Variants in BTNL2 observed in about 807,000 individuals in gnomAD.
BTNL2 encodes the protein butyrophilin-like protein 2.
BTNL2 carries 46 observed loss-of-function variants against 46.8 expected under a neutral mutation model. The observed-to-expected ratio is 0.98, with a 90% CI of 0.78 to 1.26. The LOEUF is 1.26. Ranked by LOEUF, BTNL2 falls within the 50% of genes most tolerant of loss-of-function variation. The probability of loss-of-function intolerance (pLI) is 0.00; values close to 1 mark genes in which losing one functional copy is unlikely to be tolerated. For synonymous variants in BTNL2, 226 were observed against 229.1 expected (o/e 0.99, Z 0.12); for missense variants, 461 against 592.6 (o/e 0.78, Z 2.31).
rs148433706 is a variant in BTNL2, at chr6:32,393,564, CCAA to C, written c.*7-178_*7-176del. On this transcript the variant is annotated intron_variant, in intron 7 of 7. Transcript: ENST00000454136. The surrounding 1 kb of genome is among the most constrained non-coding windows in gnomAD (Gnocchi z 4.8). ...GAAGTCACCAGCAACACAGAAATCACCAACAAGTAGGTCACCACATTTTTAAAG... is the reference window on the plus strand; with the variant it reads ...GAAGTCACCAGCAACACAGAAATCACCAAGTAGGTCACCACATTTTTAAAG... 0.012 allele frequency: 1,900 copies of C among 156,416 alleles called. 67 individuals carry two copies. Among genetic ancestry groups the C allele is most frequent in the East Asian group, 0.11 (576 of 5,292 alleles). The allele number at this position is 156,416 out of a possible 1,614,324, so 9.7% of individuals were successfully genotyped here.
intron 1 of BTNL2, 104 bp downstream of exon 1, chr6:32,406,941 G>A (rs547976703): frequency 2.0e-6 from 2 of 1,022,612 alleles, no homozygotes; most frequent in Admixed American, 4.2e-5. Flanking sequence ...GATACAGGTG[G>A]CTTGGCCCCA....
chr6:32,405,571 A>T (rs560955707), intron 1 of BTNL2: 92 of 440,466 alleles, frequency 2.1e-4, no homozygotes, highest in African/African-American at 1.6e-3. Context: ...AGATTTTGAG[A>T]TTTGAAGTCC....
rs59129682 is a variant in BTNL2, at chr6:32,403,131, T to A, written c.513A>T (p.Pro171=). 0.082 allele frequency: 131,995 copies of A among 1,612,132 alleles called. 6,997 individuals are homozygous for A. Among genetic ancestry groups the A allele is most frequent in the East Asian group, 0.19 (8,542 of 44,840 alleles). ...TGTCTTCCCAATACACCTGGGGCTCTGGGAACCAGCCCCTTGCAGTGCACA... is the reference window on the plus strand; with the variant it reads ...TGTCTTCCCAATACACCTGGGGCTCAGGGAACCAGCCCCTTGCAGTGCACA... ...QLVCTARGWF[P]EPQVYWEDIR... is the part of the protein sequence containing the mutation. Residue 171 remains proline, a synonymous_variant, in exon 3 of 8, where the codon CCA becomes CCT. Coordinates refer to ENST00000454136, the MANE Select transcript of BTNL2 (RefSeq NM_001304561.2).
At position 32,396,899 on chromosome 6, in the gene BTNL2, G is replaced by T. The variant is rs1054552143; in HGVS notation, c.731-513C>A. On this transcript the variant is annotated intron_variant, in intron 4 of 7. Transcript: ENST00000454136. This position sits in a 1 kb window ranked among gnomAD's most constrained non-coding sequence, Gnocchi z 4.4. Reference sequence around the variant, plus strand: ...GGAGGCTGAGGTGGAAAAATTGCTCGAACCCGGGAGGCAGAGGTTGCAGTG... The same window carrying T: ...GGAGGCTGAGGTGGAAAAATTGCTCTAACCCGGGAGGCAGAGGTTGCAGTG... Among the ~76,000 whole-genome samples, 8 of 152,048 alleles carry T rather than the reference G, an allele frequency of 5.3e-5. No homozygotes were observed. The highest frequency in any genetic ancestry group is 1.9e-4 in the African/African-American group (8 of 41,416).
rs1042012146 is a variant in BTNL2, at chr6:32,402,951, C to T, written c.693G>A (p.Ser231=). 4 of 1,610,708 alleles carry T rather than the reference C, an allele frequency of 2.5e-6. No homozygotes were observed. The highest frequency in any genetic ancestry group is 1.7e-5 in the Admixed American group (1 of 59,934). ...HNPVLTEEKG[S]VISLPEKLQT... ...AGCACTGACCTGGGAGGCTGATGAC[C>T]GACCCCTTCTCCTCAGTGAGGACGG... Residue 231 remains serine, a synonymous_variant, in exon 3 of 8, where the codon TCG becomes TCA. Coordinates refer to ENST00000454136, the MANE Select transcript of BTNL2 (RefSeq NM_001304561.2).
At chr6:32,405,536 G>A (rs1469968466) in intron 1 of BTNL2, 7 of 529,688 alleles carry the variant, frequency 1.3e-5, no homozygotes, top group Non-Finnish European at 2.1e-5. Flanking sequence ...TATGTGATTC[G>A]GTGGCAAATC....
rs1316528243 is a variant in BTNL2, at chr6:32,405,221, T to C, written c.145A>G (p.Thr49Ala). The C allele has an allele frequency of 6.2e-7, 1 of 1,612,940 alleles. No individual in the cohort carries two copies. Among genetic ancestry groups the C allele is most frequent in the Admixed American group, 1.7e-5 (1 of 60,012 alleles). ...LAGVGEDALL[T>A]CQLLPKRTTM... ...GTCCTCTTGGGGAGTAGCTGGCAGG[T>C]TAACAGGGCATCTTCCCCAACCCCG... The change falls in exon 2 of 8, where the codon ACC (threonine) becomes GCC (alanine). Residue 49 changes from threonine (T) to alanine (A), a missense_variant. Coordinates refer to ENST00000454136, the MANE Select transcript of BTNL2 (RefSeq NM_001304561.2).
At position 32,405,085 on chromosome 6, in the gene BTNL2, C is replaced by T. The variant is rs746073388; in HGVS notation, c.281G>A (p.Trp94Ter). Residue 94 changes from tryptophan to a stop codon, truncating the protein, a stop_gained, in exon 2 of 8, where the codon TGG becomes TAG. Transcript: ENST00000454136. LOFTEE classifies it high-confidence loss of function. ...AATGCCATTCTCTATCCACTCTACC[C>T]AGCCTCTGTACTCCTCCATCTGCAT... Reference protein sequence around the residue: ...TEMQMEEYRGWVEWIENGIAK... With the variant: ...TEMQMEEYRG 9 of 1,613,064 alleles carry T rather than the reference C, an allele frequency of 5.6e-6. No individual in the cohort carries two copies. The highest frequency in any genetic ancestry group is 6.8e-6 in the Non-Finnish European group (8 of 1,180,026).
chr6:32,407,150 G>T lies in BTNL2; in HGVS notation c.-27C>A, dbSNP rs375441946. The T allele has an allele frequency of 3.7e-6, 6 of 1,603,088 alleles. No homozygotes were observed. Among genetic ancestry groups the T allele is most frequent in the Non-Finnish European group, 4.3e-6 (5 of 1,171,348 alleles). Reference sequence around the variant, plus strand: ...CTCCCTGGAACAAAGACAAGGAAACGCTGTGCCTAAGTGAGGCTGTGACAC... The same window carrying T: ...CTCCCTGGAACAAAGACAAGGAAACTCTGTGCCTAAGTGAGGCTGTGACAC... On this transcript the variant is annotated 5_prime_UTR_variant, in exon 1 of 8. Coordinates refer to ENST00000454136, the MANE Select transcript of BTNL2 (RefSeq NM_001304561.2).
intron 2 of BTNL2, 148 bp downstream of exon 2, chr6:32,404,791 C>A: frequency 1.3e-6 from 1 of 761,000 alleles, no homozygotes; most frequent in Non-Finnish European, 2.1e-6. Flanking sequence ...ACTCCAGAAC[C>A]ACTTATTTTT....
At position 32,399,761 on chromosome 6, in the gene BTNL2, C is replaced by T. The variant is rs546466641; in HGVS notation, c.730+2024G>A. ...CATATTCAGCATCGTGCCTGGCATA[C>T]AATTAATATTTTTAAAAACTATTAT... On this transcript the variant is annotated intron_variant, in intron 4 of 7. Transcript: ENST00000454136. The surrounding 1 kb of genome is among the most constrained non-coding windows in gnomAD (Gnocchi z 5.2). Among the ~76,000 whole-genome samples the T allele has an allele frequency of 6.6e-6, 1 of 152,274 alleles. No homozygotes were observed. Among genetic ancestry groups the T allele is most frequent in the African/African-American group, 2.4e-5 (1 of 41,536 alleles).
rs777781286 is a variant in BTNL2, at chr6:32,396,150, T to G, written c.967A>C (p.Arg323=). The G allele has an allele frequency of 3.5e-5, 56 of 1,613,138 alleles. No individual in the cohort carries two copies. Among genetic ancestry groups the G allele is most frequent in the Non-Finnish European group, 4.6e-5 (54 of 1,180,044 alleles). Reference sequence around the variant, plus strand: ...GCACTGAGTATCTGCAGGGTCAGTCTGCCCTCGTCAATGGCGTCACTCACC... The same window carrying G: ...GCACTGAGTATCTGCAGGGTCAGTCGGCCCTCGTCAATGGCGTCACTCACC... The part of the protein sequence containing the change: ...VLVSDAIDEG[R]LTLQILSARP... Residue 323 remains arginine, a synonymous_variant, in exon 5 of 8, where the codon AGA becomes CGA. Transcript: ENST00000454136. The surrounding 1 kb of genome is among the most constrained non-coding windows in gnomAD (Gnocchi z 4.4).
rs745540718 is a variant in BTNL2 at position 32,394,996 on chromosome 6, C to T, written c.1108G>A (p.Glu370Lys). Reference sequence around the variant, plus strand: ...TGCATTTCTCCATCTTCTTGCCCCTCCACAGTGATCAGTGGGGAAGAACCC... The same window carrying T: ...TGCATTTCTCCATCTTCTTGCCCCTTCACAGTGATCAGTGGGGAAGAACCC... ...SLGSSPLITV[E>K]GQEDGEMQPM... Residue 370 changes from glutamate (E) to lysine (K), a missense_variant, in exon 6 of 8, where the codon GAG (glutamate) becomes AAG (lysine). By Grantham distance (56) the Glu-to-Lys change is moderately conservative. Transcript: ENST00000454136. This position sits in a 1 kb window ranked among gnomAD's most constrained non-coding sequence, Gnocchi z 4.6. 6.2e-7 allele frequency: 1 copy of T among 1,605,736 alleles called. No homozygotes were observed. Among genetic ancestry groups the T allele is most frequent in the East Asian group, 2.2e-5 (1 of 44,676 alleles).
chr6:32,393,850 T>C lies in BTNL2; in HGVS notation c.*6+113A>G. On this transcript the variant is annotated intron_variant, in intron 7 of 7. Transcript: ENST00000454136. The surrounding 1 kb of genome is among the most constrained non-coding windows in gnomAD (Gnocchi z 4.8). Reference sequence around the variant, plus strand: ...CTGTTTCTCATGTTTCCTTAGTTACTGGATATTCACTGACTGCCTCCCATA... The same window carrying C: ...CTGTTTCTCATGTTTCCTTAGTTACCGGATATTCACTGACTGCCTCCCATA... 3 of 1,389,448 alleles carry C rather than the reference T, an allele frequency of 2.2e-6. No individual in the cohort carries two copies. Among genetic ancestry groups the C allele is most frequent in the Non-Finnish European group, 2.9e-6 (3 of 1,048,442 alleles). The allele number at this position is 1,389,448 out of a possible 1,614,324, so 86.1% of individuals were successfully genotyped here.
rs781030325 is a variant in BTNL2, at chr6:32,403,197, G to C, written c.447C>G (p.Ser149Arg). ...TCTCCCCAGGTCCCTCCATGTGGAT[G>C]CTAGGGGCAGACCCCAGACCTGCAG... ...LKVAGLGSAP[S>R]IHMEGPGESG... is the part of the protein sequence containing the mutation. Residue 149 changes from serine to arginine, a missense_variant, in exon 3 of 8, where the codon AGC (serine) becomes AGG (arginine). Ser to Arg is a moderately radical substitution (Grantham distance 110, BLOSUM62 -1). Coordinates refer to ENST00000454136, the MANE Select transcript of BTNL2 (RefSeq NM_001304561.2). The C allele has an allele frequency of 6.2e-7, 1 of 1,608,452 alleles. No individual in the cohort carries two copies. The highest frequency in any genetic ancestry group is 8.5e-7 in the Non-Finnish European group (1 of 1,178,204).
In BTNL2 at chr6:32,403,040, C is replaced by A. The variant is rs1340718867; in HGVS notation, c.604G>T (p.Ala202Ser). 1 of 1,612,910 alleles carries A rather than the reference C, an allele frequency of 6.2e-7. No individual in the cohort carries two copies. Among genetic ancestry groups the A allele is most frequent in the Admixed American group, 1.7e-5 (1 of 60,014 alleles). Reference protein sequence around the residue: ...RIQDKDGLFYAEATLVVRNAS... With the variant: ...RIQDKDGLFYSEATLVVRNAS... ...TTCCTGACCACCAGGGTGGCTTCCG[C>A]ATAGAACAGGCCATCTTTATCTTGG... is the stretch of plus-strand genomic sequence containing the variant. Residue 202 changes from alanine (A) to serine (S), a missense_variant, in exon 3 of 8, where the codon GCG becomes TCG. Coordinates refer to ENST00000454136, the MANE Select transcript of BTNL2 (RefSeq NM_001304561.2).
At position 32,403,221 on chromosome 6, in the gene BTNL2, A is replaced by G. The variant is rs777022452; in HGVS notation, c.428-5T>C. 1.3e-6 allele frequency: 2 copies of G among 1,597,150 alleles called. No individual in the cohort carries two copies. Among genetic ancestry groups the G allele is most frequent in the Admixed American group, 1.7e-5 (1 of 57,790 alleles). On this transcript the variant is annotated splice_region_variant and splice_polypyrimidine_tract_variant and intron_variant, in intron 2 of 7. Coordinates refer to ENST00000454136, the MANE Select transcript of BTNL2 (RefSeq NM_001304561.2). ...TGCTAGGGGCAGACCCCAGACCTGC[A>G]GAGGGAAGCCACAGCTCTGACACCC...
At chr6:32,398,745 G>A (rs935303215) in intron 4 of BTNL2, among the ~76,000 whole-genome samples, 1 of 152,196 alleles carries the variant, frequency 6.6e-6, no homozygotes, top group Non-Finnish European at 1.5e-5. Context: ...GAAGCAAAAT[G>A]TAAGTATGGA....
intron 3 of BTNL2, among the ~76,000 whole-genome samples, chr6:32,402,734 C>A (rs893287978): frequency 6.6e-6 from 1 of 152,162 alleles, no homozygotes; most frequent in Non-Finnish European, 1.5e-5. Context: ...AGGTAGAACT[C>A]AAAAATAACG....
Sources: allele counts gnomAD v4.1 joint callset (sites outside exome capture counted in the v4.1 genomes callset), GRCh38; gene constraint gnomAD v4.1.1; non-coding constraint Gnocchi (gnomAD v3.1); transcripts MANE v1.5; gene names NCBI Gene and HGNC (gene_info 2026-07-23, HGNC 2026-07-21).